SEPTIN6: variants seen among roughly 807,000 people sequenced by gnomAD.
SEPTIN6 encodes septin-6.
SEPTIN6 carries 8 observed loss-of-function variants against 33.6 expected under a neutral mutation model. The ratio of observed to expected loss-of-function variants is 0.24; its 90% confidence interval spans 0.14 to 0.43. The LOEUF is 0.43. SEPTIN6 is among the 20% of genes least tolerant of loss of function. The pLI is 1.00. For missense variants in SEPTIN6, 250 were observed against 340.8 expected, an observed-to-expected ratio of 0.73 and a Z score of 2.10; for synonymous variants, 131 against 140.0, an observed-to-expected ratio of 0.94 and a Z score of 0.45.
chrX:119,637,059 G>A lies in SEPTIN6; in HGVS notation c.924C>T (p.Phe308=), dbSNP rs779172767. 12 of 1,211,533 alleles carry A rather than the reference G, an allele frequency of 9.9e-6. No individual in the cohort carries two copies. ...YRRCKLEEMG[F]KDTDPDSKPF... is the part of the protein sequence containing the mutation. ...GTTTGCTGTCAGGGTCGGTGTCCTT[G>A]AAGCCCATCTCCTCCAGCTTACAGC... The change falls in exon 7 of 11, where the codon TTC becomes TTT. Residue 308 remains phenylalanine, a synonymous_variant. Transcript: ENST00000394610.
At chrX:119,689,270 G>A (rs2055114754) in intron 1 of SEPTIN6, among the ~76,000 whole-genome samples, 1 of 111,969 alleles carries the variant, frequency 8.9e-6, no homozygotes, top group Admixed American at 9.5e-5. Flanking sequence ...CTCATTAAAA[G>A]AGCCAGCACA....
chrX:119,616,591 A>AGTGGT (rs1186609438), downstream of SEPTIN6: 1 of 673,000 alleles, frequency 1.5e-6, no homozygotes, highest in Admixed American at 2.3e-5. Context: ...ACACTTGTTG[A>AGTGGT]GTGGTGTGGT....
At chrX:119,622,878 G>C (rs1023691397) in intron 10 of SEPTIN6, among the ~76,000 whole-genome samples, 3 of 112,432 alleles carry the variant, frequency 2.7e-5, no homozygotes, top group African/African-American at 9.7e-5. Context: ...TCTAGGAACT[G>C]ACTGTCTTCC....
chrX:119,680,513 G>A (rs1414086951), intron 1 of SEPTIN6, among the ~76,000 whole-genome samples: 1 of 109,140 alleles, frequency 9.2e-6, no homozygotes, highest in Non-Finnish European at 1.9e-5. Flanking sequence ...CCAGCCACTG[G>A]TGACTTTTAG....
intron 5 of SEPTIN6, among the ~76,000 whole-genome samples, chrX:119,645,777 A>T (rs925431882): frequency 9.0e-6 from 1 of 110,562 alleles, no homozygotes; most frequent in East Asian, 2.9e-4. Flanking sequence ...TGATTCGCCC[A>T]CCTTGGCCTC....
chrX:119,680,073 A>G (rs1208355418), intron 1 of SEPTIN6, among the ~76,000 whole-genome samples: 1 of 111,128 alleles, frequency 9.0e-6, no homozygotes, highest in African/African-American at 3.3e-5. Context: ...TACATTTATC[A>G]GATTTTTTAT....
At position 119,619,745 on chromosome X, in the gene SEPTIN6, A is replaced by C; in HGVS notation, c.*348T>G. On this transcript the variant is annotated 3_prime_UTR_variant, in exon 11 of 11. Transcript: ENST00000394610. Reference sequence around the variant, plus strand: ...TGGAACAGGGGAGCTGGTGGGAAAGAGTAGCAGATGGGCCCCCTGACCATG... The same window carrying C: ...TGGAACAGGGGAGCTGGTGGGAAAGCGTAGCAGATGGGCCCCCTGACCATG... 3.0e-6 allele frequency: 3 copies of C among 987,813 alleles called. No homozygotes were observed. In the South Asian group the frequency reaches 1.0e-4, roughly 33 times the overall value. The allele number at this position is 987,813 out of a possible 1,213,427, so 81.4% of individuals were successfully genotyped here.
intron 1 of SEPTIN6, among the ~76,000 whole-genome samples, chrX:119,686,339 CAG>C (rs1016051239): frequency 6.3e-5 from 7 of 111,865 alleles, no homozygotes; most frequent in African/African-American, 2.3e-4. Flanking sequence ...GCCAGGAAAA[CAG>C]AGTTCTGCCC....
At chrX:119,668,930 C>G (rs1162589229) in intron 2 of SEPTIN6, among the ~76,000 whole-genome samples, 1 of 111,519 alleles carries the variant, frequency 9.0e-6, no homozygotes, top group Non-Finnish European at 1.9e-5. Context: ...TTATTCCTCA[C>G]CCCCTTCCCG....
chrX:119,690,348 T>TACACACACACAC lies in SEPTIN6; in HGVS notation c.30+2716_30+2727dup, dbSNP rs1196119691. 1.7e-3 allele frequency among the ~76,000 whole-genome samples: 131 copies of TACACACACACAC among 74,978 alleles called. 1 individual carries two copies. The highest frequency in any genetic ancestry group is 7.8e-3 in the African/African-American group (114 of 14,533). 65.1% of individuals were successfully genotyped at this position (74,978 alleles called of 115,157 possible). A position where few individuals can be genotyped will look rare whatever the true frequency, so the allele number is the denominator to read the frequency against. On this transcript the variant is annotated intron_variant, in intron 1 of 10. Coordinates refer to ENST00000394610, the MANE Select transcript of SEPTIN6 (RefSeq NM_145799.4). ...AACACACCCCCCACATACATACACA[T>TACACACACACAC]ACACACACACACACACACACACACA...
At chrX:119,685,833 G>A (rs188882334) in intron 1 of SEPTIN6, among the ~76,000 whole-genome samples, 3 of 111,523 alleles carry the variant, frequency 2.7e-5, no homozygotes, top group South Asian at 3.8e-4. Flanking sequence ...CAGTCAATGC[G>A]GTGGAAGGCA....
intron 10 of SEPTIN6, among the ~76,000 whole-genome samples, chrX:119,620,613 C>T (rs2053738911): frequency 1.9e-5 from 2 of 107,799 alleles, no homozygotes; most frequent in African/African-American, 6.8e-5. Flanking sequence ...GCCACTGCAC[C>T]CGGCTCTTTT....
chrX:119,692,526 TAC>T (rs926499688), intron 1 of SEPTIN6, among the ~76,000 whole-genome samples: 1 of 111,237 alleles, frequency 9.0e-6, no homozygotes, highest in Non-Finnish European at 1.9e-5. Context: ...CGCACACCGA[TAC>T]ACACACAGAC....
intron 4 of SEPTIN6, among the ~76,000 whole-genome samples, chrX:119,651,525 T>C (rs2054351215): frequency 1.8e-5 from 2 of 111,029 alleles, no homozygotes; most frequent in South Asian, 7.6e-4. Context: ...ATAAAAAGTA[T>C]CCAGGCATGG....
chrX:119,634,242 G>A (rs2054016476), intron 7 of SEPTIN6, among the ~76,000 whole-genome samples: 1 of 109,914 alleles, frequency 9.1e-6, no homozygotes, highest in Non-Finnish European at 1.9e-5. Flanking sequence ...CGTAGTGGGC[G>A]CCAGTAATCC....
chrX:119,617,332 C>T lies in SEPTIN6; in HGVS notation c.*2761G>A, dbSNP rs1479157176. ...ATCTGTCTACAGTGAGAAAAGCTAC[C>T]CAATGAAATACACATTTTAATAGGT... On this transcript the variant is annotated 3_prime_UTR_variant, in exon 11 of 11. Transcript: ENST00000394610. 1 of 802,750 alleles carries T rather than the reference C, an allele frequency of 1.2e-6. No individual in the cohort carries two copies. The allele number at this position is 802,750 out of a possible 1,213,427, so 66.2% of individuals were successfully genotyped here.
At position 119,676,510 on chromosome X, in the gene SEPTIN6, C is replaced by T. The variant is rs188261920; in HGVS notation, c.31-842G>A. Reference sequence around the variant, plus strand: ...TATTGGCTGGCGAAATGTCTCACACCTGTAATCCCAACACTTTGGGAGGCC... The same window carrying T: ...TATTGGCTGGCGAAATGTCTCACACTTGTAATCCCAACACTTTGGGAGGCC... On this transcript the variant is annotated intron_variant, in intron 1 of 10. Coordinates refer to ENST00000394610, the MANE Select transcript of SEPTIN6 (RefSeq NM_145799.4). Among the ~76,000 whole-genome samples the T allele has an allele frequency of 1.1e-3, 119 of 111,345 alleles. 2 individuals are homozygous for T. Among genetic ancestry groups the T allele is most frequent in the African/African-American group, 3.9e-3 (118 of 30,613 alleles).
intron 1 of SEPTIN6, among the ~76,000 whole-genome samples, chrX:119,677,487 G>A (rs1387125808): frequency 8.9e-6 from 1 of 111,873 alleles, no homozygotes; most frequent in Non-Finnish European, 1.9e-5. Context: ...CTGTTGGGTG[G>A]GGCTGCACCA....
intron 5 of SEPTIN6, among the ~76,000 whole-genome samples, chrX:119,645,236 C>CTTTTT (rs757199588): frequency 1.4e-5 from 1 of 71,168 alleles, no homozygotes; most frequent in Non-Finnish European, 2.5e-5. Context: ...AAGGCCCTAC[C>CTTTTT]TTTTTTTTTT....
Sources: allele counts gnomAD v4.1 joint callset (sites outside exome capture counted in the v4.1 genomes callset), GRCh38; gene constraint gnomAD v4.1.1; transcripts MANE v1.5; gene names NCBI Gene and HGNC (gene_info 2026-07-23, HGNC 2026-07-21).